NEB: variants seen among roughly 807,000 people sequenced by gnomAD.
The protein encoded by NEB is nemaline myopathy type 2.
Under a neutral mutation model 952.2 loss-of-function variants are expected in NEB, and 512 were observed. The ratio of observed to expected loss-of-function variants is 0.54; its 90% CI spans 0.50 to 0.58. NEB has a LOEUF of 0.58. NEB is among the 20% of genes least tolerant of loss of function. The probability of loss-of-function intolerance (pLI) is 0.00; values close to 1 mark genes in which losing one functional copy is unlikely to be tolerated. For synonymous variants in NEB, 2,900 were observed against 3,149.8 expected, an observed-to-expected ratio of 0.92 and a Z score of 2.66; for missense variants, 8,428 against 9,231.1, an observed-to-expected ratio of 0.91 and a Z score of 3.56.
At chr2:151,526,849 C>T in intron 148 of NEB, 69 bp downstream of exon 148, 1 of 1,118,192 alleles carries the variant, frequency 8.9e-7, no homozygotes, top group Non-Finnish European at 1.3e-6. Context: ...CCCTGGTGTC[C>T]CTGGGGACTG....
At chr2:151,571,178 T>C (rs564034546) in intron 107 of NEB, among the ~76,000 whole-genome samples, 1 of 152,318 alleles carries the variant, frequency 6.6e-6, no homozygotes, top group African/African-American at 2.4e-5. Flanking sequence ...GCTAATTTTG[T>C]ATTTTTAGTA....
At chr2:151,629,782 G>C in intron 67 of NEB, 136 bp from the exon 68 acceptor site, 1 of 655,508 alleles carries the variant, frequency 1.5e-6, no homozygotes, top group South Asian at 1.8e-5. Context: ...ATAGTGGAAA[G>C]CAAATAAATT....
At chr2:151,559,948 A>G (rs894296051) in intron 124 of NEB, among the ~76,000 whole-genome samples, 1 of 152,124 alleles carries the variant, frequency 6.6e-6, no homozygotes, top group African/African-American at 2.4e-5. Context: ...ATAAACCAAA[A>G]CAAAACACAC....
Position 151,494,759 on chromosome 2 carries a change from C to G in NEB, c.24487-506G>C, listed in dbSNP as rs936759772. Among the ~76,000 whole-genome samples, 3 of 152,176 alleles carry G rather than the reference C, an allele frequency of 2.0e-5. No homozygotes were observed. The South Asian group carries it at 6.2e-4, about 31-fold the overall frequency. Reference sequence around the variant, plus strand: ...CGCCTCCCGGGTTCAAGTGATTCTTCTGCCTCAGCCTCCTGAGTAGCTGGG... The same window carrying G: ...CGCCTCCCGGGTTCAAGTGATTCTTGTGCCTCAGCCTCCTGAGTAGCTGGG... On this transcript the variant is annotated intron_variant, in intron 173 of 181. Transcript: ENST00000397345.
At chr2:151,626,585 G>A (rs924220355) in intron 70 of NEB, among the ~76,000 whole-genome samples, 2 of 151,340 alleles carry the variant, frequency 1.3e-5, no homozygotes, top group Non-Finnish European at 2.9e-5. Flanking sequence ...CGCCCAGGCT[G>A]GAGTGCAGTG....
chr2:151,627,775 A>T lies in NEB; in HGVS notation c.9891T>A (p.Ile3297=), dbSNP rs780867218. The change falls in exon 69 of 182, where the codon ATT becomes ATA. Residue 3297 remains isoleucine (I), a synonymous_variant. Coordinates refer to ENST00000397345, the MANE Select transcript of NEB (RefSeq NM_001164508.2). The stretch of plus-strand genomic sequence containing the variant: ...ACCACATCATCTTGGGGTCATCTTC[A>T]ATGTTCCGGGCTCCAATGTGGTGGC... ...QLGHHIGARN[I]EDDPKMMWSM... The T allele has an allele frequency of 6.2e-7, 1 of 1,613,940 alleles. No individual in the cohort carries two copies. The highest frequency in any genetic ancestry group is 8.5e-7 in the Non-Finnish European group (1 of 1,179,882).
In NEB at chr2:151,533,428, C is replaced by G. The variant is rs878978273; in HGVS notation, c.21417+14G>C. 3.3e-6 allele frequency: 5 copies of G among 1,520,138 alleles called. No homozygotes were observed. In the South Asian group the frequency reaches 4.8e-5, roughly 15 times the overall value. 94.2% of individuals were successfully genotyped at this position (1,520,138 alleles called of 1,614,324 possible). ...TCTTCTAAACCTCCTTCTTCACATC[C>G]CATCAGACATTACCTGGCTCCACAT... On this transcript the variant is annotated intron_variant, in intron 143 of 181. Coordinates refer to ENST00000397345, the MANE Select transcript of NEB (RefSeq NM_001164508.2).
At chr2:151,495,502 T>C (rs908384035) in intron 173 of NEB, among the ~76,000 whole-genome samples, 1 of 152,192 alleles carries the variant, frequency 6.6e-6, no homozygotes, top group African/African-American at 2.4e-5. Context: ...AACCTACAGA[T>C]AGTGGAAATG....
rs886054930 is a variant in NEB, at chr2:151,540,773, T to C, written c.20711A>G (p.Glu6904Gly). 1.9e-5 allele frequency: 31 copies of C among 1,613,470 alleles called. No individual in the cohort carries two copies. Among genetic ancestry groups the C allele is most frequent in the Non-Finnish European group, 2.5e-5 (29 of 1,179,612 alleles). Residue 6904 changes from glutamate to glycine, a missense_variant, in exon 137 of 182, where the codon GAG (glutamate) becomes GGG (glycine). By Grantham distance (98) the Glu-to-Gly change is moderately conservative. This residue lies in a region of NEB where 3,374 missense variants were observed against 3,651.5 expected (regional missense o/e 0.92). Transcript: ENST00000397345. ...QYLYVELATK[E>G]RPHHHAGNQT... ...GTTTCCAGCGTGATGATGGGGTCTC[T>C]CTTTGGTGGCAAGTTCAACATACAG...
chr2:151,574,694 TC>T (rs1213716070), intron 107 of NEB, among the ~76,000 whole-genome samples: 1 of 146,656 alleles, frequency 6.8e-6, no homozygotes, highest in South Asian at 2.2e-4. Context: ...TATTTAAGAT[TC>T]CCCCCATTAT....
chr2:151,508,196 C>T (rs2070876296), intron 161 of NEB, 87 bp from the exon 162 acceptor site: 2 of 803,370 alleles, frequency 2.5e-6, no homozygotes, highest in Non-Finnish European at 3.9e-6. Flanking sequence ...TTAGCCCTTC[C>T]AGGCTCAGCA....
intron 158 of NEB, 31 bp downstream of exon 158, chr2:151,514,787 A>C (rs2076711186): frequency 7.1e-7 from 1 of 1,404,486 alleles, no homozygotes; most frequent in Admixed American, 2.0e-5. Context: ...ATTTGGATTA[A>C]GAGGGAAAGA....
intron 166 of NEB, 155 bp from the exon 167 acceptor site, chr2:151,503,040 T>C: frequency 5.0e-6 from 3 of 600,856 alleles, no homozygotes; most frequent in Non-Finnish European, 8.7e-6. Flanking sequence ...ACAGTTTTAA[T>C]GATGAACTCT....
At chr2:151,546,729 T>G (rs1004822157) in intron 133 of NEB, among the ~76,000 whole-genome samples, 5 of 152,028 alleles carry the variant, frequency 3.3e-5, no homozygotes, top group Non-Finnish European at 7.4e-5. Flanking sequence ...TGGCTAATTT[T>G]TGTATTTTTA....
chr2:151,644,775 C>T (rs938580955), intron 55 of NEB, among the ~76,000 whole-genome samples, 200 bp from the exon 56 acceptor site: 5 of 152,162 alleles, frequency 3.3e-5, no homozygotes. Flanking sequence ...CCTAAATCAG[C>T]AAAATTGTCA....
At position 151,655,299 on chromosome 2, in the gene NEB, C is replaced by G. The variant is rs922801085; in HGVS notation, c.6778G>C (p.Ala2260Pro). Residue 2260 changes from alanine to proline, a missense_variant, in exon 51 of 182, where the codon GCC becomes CCC. Around this residue, in one of 11 missense-constraint regions of NEB, gnomAD observed 2,851 missense variants for 2,791.5 expected, o/e 1.02. Coordinates refer to ENST00000397345, the MANE Select transcript of NEB (RefSeq NM_001164508.2). ...VMPDTPDILQ[A>P]KQNQTLYSQK... ...CTATACAGTGTTTGATTCTGCTTGG[C>G]TTGTAAAATATCTGGTGTATCAGGC... 4 of 1,594,314 alleles carry G rather than the reference C, an allele frequency of 2.5e-6. No homozygotes were observed. The African/African-American group carries it at 5.4e-5, about 21-fold the overall frequency.
chr2:151,536,662 T>G (rs193178265), intron 141 of NEB, among the ~76,000 whole-genome samples: 2 of 152,318 alleles, frequency 1.3e-5, no homozygotes, highest in East Asian at 3.9e-4. Context: ...TTTTATTTAC[T>G]ATCTGGCATT....
intron 161 of NEB, among the ~76,000 whole-genome samples, chr2:151,509,256 G>A (rs1255678472): frequency 6.6e-6 from 1 of 152,166 alleles, no homozygotes; most frequent in East Asian, 1.9e-4. Context: ...AGAAACGGTA[G>A]TTCATCATGA....
chr2:151,657,083 T>C (rs2099093413), intron 48 of NEB, among the ~76,000 whole-genome samples: 1 of 152,188 alleles, frequency 6.6e-6, no homozygotes, highest in Non-Finnish European at 1.5e-5. Context: ...TCTTGATCCA[T>C]GGAGAGCTTC....
Sources: gnomAD v4.1 joint callset for allele counts (sites outside exome capture counted in the v4.1 genomes callset) on GRCh38, gnomAD v4.1.1 for gene constraint, gnomAD v4.1.1 regional missense constraint, MANE v1.5 for transcripts, NCBI Gene and HGNC (gene_info 2026-07-23, HGNC 2026-07-21) for gene names.